The following TUSC3 variants were observed in gnomAD, a reference collection of about 807,000 sequenced individuals.
TUSC3 encodes the protein tumor suppressor candidate 3, also known as dolichyl-diphosphooligosaccharide--protein glycosyltransferase subunit TUSC3.
Under a neutral mutation model 44.8 loss-of-function variants are expected in TUSC3, and 45 were observed. The ratio of observed to expected loss-of-function variants is 1.00; its 90% CI spans 0.79 to 1.29. The LOEUF (loss-of-function observed/expected upper bound fraction) is 1.29, where lower values mean the gene tolerates loss of function less well. Among genes scored for constraint, TUSC3 ranks in the 50% most tolerant of loss-of-function variants. TUSC3 has a pLI of 0.00. For missense variants in TUSC3, 519 were observed against 437.9 expected, an observed-to-expected ratio of 1.19 and a Z score of -1.65; for synonymous variants, 212 against 152.9, an observed-to-expected ratio of 1.39 and a Z score of -2.85.
chr8:15,780,947 G>T, the TUSC3 span, among the ~76,000 whole-genome samples: 1 of 152,172 alleles, frequency 6.6e-6, no homozygotes, highest in African/African-American at 2.4e-5. Context: ...AAAGAGCAAA[G>T]CTCCTTGTTT....
intron 6 of TUSC3, among the ~76,000 whole-genome samples, chr8:15,724,273 T>G (rs1412548863): frequency 2.6e-5 from 4 of 152,122 alleles, no homozygotes; most frequent in Non-Finnish European, 1.5e-5. Flanking sequence ...TTCTGTTGTT[T>G]AAGCCATCCA....
At chr8:15,425,091 A>G (rs10105837) in intron 1 of TUSC3, among the ~76,000 whole-genome samples, 3,403 of 152,244 alleles carry the variant, frequency 0.022, 121 homozygotes, top group African/African-American at 0.078. Context: ...TCTCTTTAGG[A>G]TTGAGTAAGC....
At chr8:15,633,058 C>G (rs1805891153) in intron 2 of TUSC3, among the ~76,000 whole-genome samples, 1 of 152,092 alleles carries the variant, frequency 6.6e-6, no homozygotes. Flanking sequence ...GCTTTGAGGC[C>G]TTTTTAGTAG....
intron 1 of TUSC3, among the ~76,000 whole-genome samples, chr8:15,546,930 G>A (rs899250162): frequency 6.6e-6 from 1 of 151,530 alleles, no homozygotes; most frequent in Admixed American, 6.6e-5. Context: ...TTTAATGTTG[G>A]AAGGCACAAG....
the TUSC3 span, among the ~76,000 whole-genome samples, chr8:15,793,447 A>G: frequency 6.6e-6 from 1 of 151,268 alleles, no homozygotes; most frequent in Non-Finnish European, 1.5e-5. Context: ...GCTCTGACCT[A>G]TCTTCCCCCA....
At chr8:15,490,628 C>G (rs1434534021) in intron 2 of TUSC3, among the ~76,000 whole-genome samples, 1 of 152,176 alleles carries the variant, frequency 6.6e-6, no homozygotes, top group Non-Finnish European at 1.5e-5. Flanking sequence ...GGTCTTCATC[C>G]TATAAAACAT....
At chr8:15,427,933 A>G (rs1377701173) in intron 1 of TUSC3, among the ~76,000 whole-genome samples, 2 of 152,008 alleles carry the variant, frequency 1.3e-5, no homozygotes, top group Non-Finnish European at 2.9e-5. Context: ...TGCATACAGT[A>G]TGAGATAAGG....
chr8:15,692,063 G>T, intron 6 of TUSC3, among the ~76,000 whole-genome samples: 1 of 152,066 alleles, frequency 6.6e-6, no homozygotes, highest in South Asian at 2.1e-4. Flanking sequence ...TTTCAATCGT[G>T]AGCCACCACG....
chr8:15,599,378 C>A (rs1331747719), intron 1 of TUSC3, among the ~76,000 whole-genome samples: 1 of 151,490 alleles, frequency 6.6e-6, no homozygotes. Context: ...GTTTGTGAGT[C>A]GTCTTCTTAT....
intron 2 of TUSC3, among the ~76,000 whole-genome samples, chr8:15,518,004 A>G (rs910338971): frequency 1.3e-5 from 2 of 151,630 alleles, no homozygotes; most frequent in East Asian, 1.9e-4. Flanking sequence ...CCCCATACAC[A>G]TTCGCACCTG....
intron 1 of TUSC3, among the ~76,000 whole-genome samples, chr8:15,617,911 T>A (rs1287090606): frequency 1.3e-5 from 2 of 152,186 alleles, no homozygotes; most frequent in African/African-American, 4.8e-5. Context: ...TGGTATAGTC[T>A]ACTACACACC....
At chr8:15,527,452 C>G (rs537186193) in intron 2 of TUSC3, among the ~76,000 whole-genome samples, 17 of 152,130 alleles carry the variant, frequency 1.1e-4, no homozygotes, top group Non-Finnish European at 1.8e-4. Flanking sequence ...CCTGACCGTA[C>G]GTGATCCACC....
the TUSC3 span, among the ~76,000 whole-genome samples, chr8:15,832,119 A>G: frequency 1.1e-4 from 16 of 152,212 alleles, no homozygotes; most frequent in African/African-American, 3.9e-4. Flanking sequence ...CACAAGGCAG[A>G]AGAGATTGAG....
intron 6 of TUSC3, among the ~76,000 whole-genome samples, chr8:15,722,850 CT>C (rs1452545255): frequency 1.3e-4 from 20 of 151,840 alleles, no homozygotes; most frequent in Non-Finnish European, 2.9e-4. Context: ...ACCCTTCTTA[CT>C]TGTGAGAAGT....
the TUSC3 span, among the ~76,000 whole-genome samples, chr8:15,824,661 T>C: frequency 1.3e-5 from 2 of 152,112 alleles, no homozygotes; most frequent in African/African-American, 4.8e-5. Flanking sequence ...TAATGTTAAA[T>C]GACGAGTTAA....
chr8:15,838,885 T>C, the TUSC3 span, among the ~76,000 whole-genome samples: 2 of 152,174 alleles, frequency 1.3e-5, no homozygotes. Context: ...TTTTTTCCAA[T>C]TCTGTGAGGA....
At chr8:15,622,801 T>C (rs1175481421) in intron 1 of TUSC3, among the ~76,000 whole-genome samples, 2 of 145,816 alleles carry the variant, frequency 1.4e-5, no homozygotes, top group Non-Finnish European at 3.1e-5. Context: ...CTTACTTTTC[T>C]TGAGCCTTCT....
chr8:15,711,946 A>G (rs1405495430), intron 6 of TUSC3, among the ~76,000 whole-genome samples: 1 of 151,944 alleles, frequency 6.6e-6, no homozygotes, highest in Non-Finnish European at 1.5e-5. Flanking sequence ...ACCAAGACAC[A>G]AACTTTATGA....
intron 2 of TUSC3, among the ~76,000 whole-genome samples, chr8:15,638,124 T>G (rs1806175027): frequency 6.6e-6 from 1 of 152,120 alleles, no homozygotes; most frequent in Admixed American, 6.5e-5. Flanking sequence ...GTTTTCAAAT[T>G]CAGCTGAGAT....
Sources: allele counts gnomAD v4.1 joint callset (sites outside exome capture counted in the v4.1 genomes callset), GRCh38; gene constraint gnomAD v4.1.1; transcripts MANE v1.5; gene names NCBI Gene and HGNC (gene_info 2026-07-23, HGNC 2026-07-21).